Variants in FAM83C observed in about 807,000 individuals in gnomAD.
FAM83C encodes the protein scaffolding CK1 anchoring protein C, also known as protein FAM83C.
FAM83C carries 23 observed loss-of-function variants against 27.1 expected under a neutral mutation model. The observed-to-expected ratio is 0.85, with a 90% CI of 0.61 to 1.20. FAM83C has a LOEUF of 1.20. Ranked by LOEUF, FAM83C falls within the 50% of genes most tolerant of loss-of-function variation. FAM83C has a pLI of 0.00. For synonymous variants in FAM83C, 426 were observed against 423.1 expected, an observed-to-expected ratio of 1.01 and a Z score of -0.09; for missense variants, 984 against 1,001.3, an observed-to-expected ratio of 0.98 and a Z score of 0.23.
In FAM83C at chr20:35,288,869, G is replaced by A. The variant is rs1225869899; in HGVS notation, c.603C>T (p.Tyr201=). The change falls in exon 2 of 4, where the codon TAC becomes TAT. Residue 201 remains tyrosine, a synonymous_variant. Coordinates refer to ENST00000374408, the MANE Select transcript of FAM83C (RefSeq NM_178468.6). ...EASSRRGVPV[Y]LLLAQEHLRH... is the part of the protein sequence containing the mutation. ...TCAGGTGCTCCTGGGCAAGGAGCAG[G>A]TACACAGGGACACCACGCCGGCTTG... 1.2e-6 allele frequency: 2 copies of A among 1,614,162 alleles called. No homozygotes were observed. Among genetic ancestry groups the A allele is most frequent in the Non-Finnish European group, 1.7e-6 (2 of 1,180,026 alleles).
Position 35,286,791 on chromosome 20 carries a change from G to A in FAM83C, c.1988C>T (p.Ala663Val), listed in dbSNP as rs143921217. Residue 663 changes from alanine (A) to valine (V), a missense_variant, in exon 4 of 4, where the codon GCT (alanine) becomes GTT (valine). Physicochemically the swap from Ala to Val is moderately conservative, Grantham distance 64 (BLOSUM62 0). Coordinates refer to ENST00000374408, the MANE Select transcript of FAM83C (RefSeq NM_178468.6). ...TTTCTCATCCCCAGACCCAGCTCCAGCCGTGCGAGCAGGGCTTGATATCGG... is the reference window on the plus strand; with the variant it reads ...TTTCTCATCCCCAGACCCAGCTCCAACCGTGCGAGCAGGGCTTGATATCGG... ...GLPISSPART[A>V]GAGSGDEKRL... 2 of 1,614,158 alleles carry A rather than the reference G, an allele frequency of 1.2e-6. No individual in the cohort carries two copies. The highest frequency in any genetic ancestry group is 4.5e-5 in the East Asian group (2 of 44,874).
In FAM83C at chr20:35,287,083, C is replaced by T. The variant is rs529811148; in HGVS notation, c.1696G>A (p.Gly566Ser). ...CTGAGGGAACCCAACTCAGGGGCAC[C>T]CCCAGTACCCAGGGCTCGGGACAGG... ...DLLSRALGTG[G>S]APELGSLRPG... Residue 566 changes from glycine to serine, a missense_variant, in exon 4 of 4, where the codon GGT becomes AGT. By Grantham distance (56) the Gly-to-Ser change is moderately conservative (BLOSUM62 0). Transcript: ENST00000374408. 7.5e-6 allele frequency: 12 copies of T among 1,605,044 alleles called. No individual in the cohort carries two copies. Among genetic ancestry groups the T allele is most frequent in the Middle Eastern group, 1.7e-4 (1 of 6,014 alleles).
rs750152465 is a variant in FAM83C, at chr20:35,287,820, C to T, written c.959G>A (p.Arg320Gln). ...GGCCACAGGGGGAGGACGCAGTGCC[C>T]GGGGAGACAGCGGGTCCTCACCGCC... ...FCGGEDPLSP[R>Q]ALRPPPVALA... is the part of the protein sequence containing the mutation. The change falls in exon 4 of 4, where the codon CGG (arginine) becomes CAG (glutamine). Residue 320 changes from arginine (R) to glutamine (Q), a missense_variant. Arg to Gln is a conservative substitution (Grantham distance 43, BLOSUM62 1). Transcript: ENST00000374408. 4.4e-6 allele frequency: 7 copies of T among 1,581,344 alleles called. No individual in the cohort carries two copies. Among genetic ancestry groups the T allele is most frequent in the East Asian group, 2.3e-5 (1 of 43,094 alleles).
intron 1 of FAM83C, among the ~76,000 whole-genome samples, chr20:35,289,554 G>A (rs970399870): frequency 2.6e-5 from 4 of 151,868 alleles, no homozygotes; most frequent in Non-Finnish European, 4.4e-5. Flanking sequence ...GGCCAGGCTG[G>A]TCTCAAACTC....
chr20:35,289,414 C>G lies in FAM83C; in HGVS notation c.514-456G>C, dbSNP rs369805921. ...GGAGTGTAGTGGCGTGATCTCGGCT[C>G]ACTGCAACCTCTGCCTTCTGGGTTC... On this transcript the variant is annotated intron_variant, in intron 1 of 3. Transcript: ENST00000374408. Among the ~76,000 whole-genome samples, 4 of 151,884 alleles carry G rather than the reference C, an allele frequency of 2.6e-5. No individual in the cohort carries two copies. The East Asian group carries it at 7.7e-4, about 29-fold the overall frequency.
chr20:35,288,607 G>A, intron 2 of FAM83C, 22 bp from the exon 3 acceptor site: 3 of 1,613,300 alleles, frequency 1.9e-6, no homozygotes, highest in South Asian at 1.1e-5. Flanking sequence ...TAGGTTGGGG[G>A]TGACCTTGAG....
chr20:35,291,835 T>A lies in FAM83C; in HGVS notation c.470A>T (p.Asn157Ile). Residue 157 changes from asparagine to isoleucine, a missense_variant, in exon 1 of 4, where the codon AAC becomes ATC. Physicochemically the swap from Asn to Ile is moderately radical, Grantham distance 149 (BLOSUM62 -3). Transcript: ENST00000374408. ...VVHFQRDKAK[N>I]IKDLLRFLFS... ...AAGGAAGCGCAGCAGGTCCTTGATG[T>A]TCTTGGCCTTGTCCCTCTGGAAGTG... is the stretch of plus-strand genomic sequence containing the variant. 6.2e-7 allele frequency: 1 copy of A among 1,614,178 alleles called. No individual in the cohort carries two copies. The highest frequency in any genetic ancestry group is 8.5e-7 in the Non-Finnish European group (1 of 1,180,032).
chr20:35,286,587 G>A lies in FAM83C; in HGVS notation c.2192C>T (p.Thr731Ile), dbSNP rs1159425237. The change falls in exon 4 of 4, where the codon ACT becomes ATT. Residue 731 changes from threonine (T) to isoleucine (I), a missense_variant. Thr to Ile is a moderately conservative substitution (Grantham distance 89). Coordinates refer to ENST00000374408, the MANE Select transcript of FAM83C (RefSeq NM_178468.6). ...TLGHSKLDLI[T>I]KYNKSKFKQL... Reference sequence around the variant, plus strand: ...CTTGAACTTGGACTTGTTGTACTTAGTGATGAGGTCCAGTTTGCTGTGACC... The same window carrying A: ...CTTGAACTTGGACTTGTTGTACTTAATGATGAGGTCCAGTTTGCTGTGACC... 4 of 1,613,998 alleles carry A rather than the reference G, an allele frequency of 2.5e-6. No homozygotes were observed. The highest frequency in any genetic ancestry group is 3.4e-6 in the Non-Finnish European group (4 of 1,180,000).
chr20:35,287,628 G>A lies in FAM83C; in HGVS notation c.1151C>T (p.Ala384Val), dbSNP rs1238677468. Residue 384 changes from alanine to valine, a missense_variant, in exon 4 of 4, where the codon GCC (alanine) becomes GTC (valine). Coordinates refer to ENST00000374408, the MANE Select transcript of FAM83C (RefSeq NM_178468.6). ...GGGCTGGCCACTGGCCTCACGGCGG[G>A]CAGGACCCAGGGACGAGGACACCAC... ...TGVVSSSLGP[A>V]RREASGQPSL... 15 of 1,613,908 alleles carry A rather than the reference G, an allele frequency of 9.3e-6. No individual in the cohort carries two copies. The highest frequency in any genetic ancestry group is 1.3e-5 in the Non-Finnish European group (15 of 1,179,952).
chr20:35,287,284 CCTT>C lies in FAM83C; in HGVS notation c.1492_1494del (p.Lys498del), dbSNP rs2060830894. 1 of 1,613,386 alleles carries C rather than the reference CCTT, an allele frequency of 6.2e-7. No homozygotes were observed. The highest frequency in any genetic ancestry group is 1.1e-5 in the South Asian group (1 of 91,090). ...TGGCCACGGCTCTGACTTGGAGATG[CCTT>C]CTTCTCCTTCTCCTCCACTGTCTCC... On this transcript the variant is annotated inframe_deletion, in exon 4 of 4. Coordinates refer to ENST00000374408, the MANE Select transcript of FAM83C (RefSeq NM_178468.6).
In FAM83C at chr20:35,287,167, C is replaced by T. The variant is rs200282148; in HGVS notation, c.1612G>A (p.Glu538Lys). 341 of 1,606,652 alleles carry T rather than the reference C, an allele frequency of 2.1e-4. No homozygotes were observed. The highest frequency in any genetic ancestry group is 2.7e-4 in the Non-Finnish European group (324 of 1,179,320). Residue 538 changes from glutamate (E) to lysine (K), a missense_variant, in exon 4 of 4, where the codon GAG becomes AAG. By Grantham distance (56) the Glu-to-Lys change is moderately conservative. Transcript: ENST00000374408. ...TPNSGPLRPGEQAPEDRRLSP... is the reference protein window; with the variant it reads ...TPNSGPLRPGKQAPEDRRLSP... ...AACCTCCTGTCCTCTGGGGCCTGCT[C>T]GCCAGGCCGAAGGGGGCCTGAGTTG...
chr20:35,288,876 G>T lies in FAM83C; in HGVS notation c.596C>A (p.Pro199His), dbSNP rs1248121962. ...LMEASSRRGV[P>H]VYLLLAQEHL... ...CTCCTGGGCAAGGAGCAGGTACACA[G>T]GGACACCACGCCGGCTTGAGGCCTC... Residue 199 changes from proline (P) to histidine (H), a missense_variant, in exon 2 of 4, where the codon CCT becomes CAT. Pro to His is a moderately conservative substitution (Grantham distance 77). Coordinates refer to ENST00000374408, the MANE Select transcript of FAM83C (RefSeq NM_178468.6). The T allele has an allele frequency of 6.8e-6, 11 of 1,614,056 alleles. No homozygotes were observed. The highest frequency in any genetic ancestry group is 9.3e-6 in the Non-Finnish European group (11 of 1,180,042).
chr20:35,287,193 GGGGTAAC>G lies in FAM83C; in HGVS notation c.1579_1585del (p.Val527ProfsTer59). 1 of 1,610,516 alleles carries G rather than the reference GGGGTAAC, an allele frequency of 6.2e-7. No homozygotes were observed. Among genetic ancestry groups the G allele is most frequent in the African/African-American group, 1.3e-5 (1 of 75,058 alleles). ...GCCAGGCCGAAGGGGGCCTGAGTTG[GGGGTAAC>G]CCCAGAGTCAGGGTCTCCCACTTCT... On this transcript the variant is annotated frameshift_variant, in exon 4 of 4. Coordinates refer to ENST00000374408, the MANE Select transcript of FAM83C (RefSeq NM_178468.6). LOFTEE classifies it low-confidence loss of function (END_TRUNC).
At position 35,292,393 on chromosome 20, in the gene FAM83C, G is replaced by A. The variant is rs2060851579; in HGVS notation, c.-89C>T. 7.8e-6 allele frequency: 11 copies of A among 1,419,198 alleles called. No individual in the cohort carries two copies. Among genetic ancestry groups the A allele is most frequent in the Non-Finnish European group, 1.0e-5 (11 of 1,089,202 alleles). The allele number at this position is 1,419,198 out of a possible 1,614,324, so 87.9% of individuals were successfully genotyped here. ...GCAGGAAGAGGAGACCAGCAGAACC[G>A]CCTTCTGCCCGCCCGCTCGCTGTGT... is the stretch of plus-strand genomic sequence containing the variant. On this transcript the variant is annotated 5_prime_UTR_variant, in exon 1 of 4. Transcript: ENST00000374408.
chr20:35,291,795 G>A lies in FAM83C; in HGVS notation c.510C>T (p.His170=). The A allele has an allele frequency of 6.2e-7, 1 of 1,613,998 alleles. No individual in the cohort carries two copies. The highest frequency in any genetic ancestry group is 8.5e-7 in the Non-Finnish European group (1 of 1,180,026). Residue 170 remains histidine, a synonymous_variant, in exon 1 of 4, where the codon CAC becomes CAT. Transcript: ENST00000374408. ...DLLRFLFSQA[H]TVVAVVMDIF... ...GATGGAGAGATGAGGCCCTTACCGT[G>A]TGGGCCTGGCTGAAAAGGAAGCGCA... is the stretch of plus-strand genomic sequence containing the variant.
Position 35,287,036 on chromosome 20 carries a change from C to A in FAM83C, c.1743G>T (p.Glu581Asp). ...TTTGGTTTAGGGACAGCCTCCTGTC[C>A]TCCAGGGCCCGATCACCAGGTCTGA... ...GSLRPGDRAL[E>D]DRRLSLNQSR... The change falls in exon 4 of 4, where the codon GAG becomes GAT. Residue 581 changes from glutamate (E) to aspartate (D), a missense_variant. Physicochemically the swap from Glu to Asp is conservative, Grantham distance 45. Transcript: ENST00000374408. The A allele has an allele frequency of 6.2e-7, 1 of 1,605,726 alleles. No individual in the cohort carries two copies. Among genetic ancestry groups the A allele is most frequent in the Admixed American group, 1.7e-5 (1 of 60,026 alleles).
chr20:35,289,931 G>A (rs2060841925), intron 1 of FAM83C, among the ~76,000 whole-genome samples: 3 of 152,160 alleles, frequency 2.0e-5, no homozygotes, highest in African/African-American at 7.2e-5. Context: ...CAGTGAGAAG[G>A]AGAACCCAGA....
At chr20:35,290,147 T>C (rs1182531575) in intron 1 of FAM83C, among the ~76,000 whole-genome samples, 1 of 152,228 alleles carries the variant, frequency 6.6e-6, no homozygotes, top group African/African-American at 2.4e-5. Flanking sequence ...CAGACTCCCT[T>C]ACTTGCACCC....
Position 35,288,754 on chromosome 20 carries a change from C to T in FAM83C, c.681+37G>A, listed in dbSNP as rs2060837853. ...CTCCCCTGCCCTCCCTGACTCCCCGCCCACACCCCTGGTTACTGCCCCTGG... is the reference window on the plus strand; with the variant it reads ...CTCCCCTGCCCTCCCTGACTCCCCGTCCACACCCCTGGTTACTGCCCCTGG... On this transcript the variant is annotated intron_variant, in intron 2 of 3. Transcript: ENST00000374408. 2.5e-6 allele frequency: 4 copies of T among 1,578,104 alleles called. No individual in the cohort carries two copies. The South Asian group carries it at 3.5e-5, about 14-fold the overall frequency.
Sources: gnomAD v4.1 joint callset for allele counts (sites outside exome capture counted in the v4.1 genomes callset) on GRCh38, gnomAD v4.1.1 for gene constraint, MANE v1.5 for transcripts, NCBI Gene and HGNC (gene_info 2026-07-23, HGNC 2026-07-21) for gene names.